Variants in ACOXL observed in about 807,000 individuals in gnomAD.
ACOXL encodes acyl-CoA oxidase like, also known as acyl-coenzyme A oxidase-like protein.
ACOXL carries 70 observed loss-of-function variants against 71.9 expected under a neutral mutation model. That is an observed-to-expected ratio of 0.97 (90% CI 0.80 to 1.19). ACOXL has a LOEUF of 1.19. ACOXL is among the 50% of genes most tolerant of loss of function. The pLI is 0.00. For synonymous variants in ACOXL, 253 were observed against 281.6 expected (o/e 0.90, Z 1.02); for missense variants, 703 against 736.3 (o/e 0.95, Z 0.52).
chr2:110,957,629 T>G (rs748171968), intron 12 of ACOXL, among the ~76,000 whole-genome samples: 19 of 152,196 alleles, frequency 1.2e-4, no homozygotes, highest in Non-Finnish European at 2.8e-4. Context: ...CCTGATATCC[T>G]CTTATAAGGA....
At chr2:111,105,841 C>T (rs890802553) in intron 17 of ACOXL, among the ~76,000 whole-genome samples, 1 of 152,122 alleles carries the variant, frequency 6.6e-6, no homozygotes, top group African/African-American at 2.4e-5. Flanking sequence ...TCTTTTAGCA[C>T]CTGAACACAT....
intron 9 of ACOXL, among the ~76,000 whole-genome samples, chr2:110,811,661 G>A (rs1687326010): frequency 6.6e-6 from 1 of 150,956 alleles, no homozygotes; most frequent in Non-Finnish European, 1.5e-5. Context: ...TATGTGCTTG[G>A]AGGAGGTGGG....
At chr2:111,090,055 T>A (rs1051816401) in intron 16 of ACOXL, among the ~76,000 whole-genome samples, 1 of 152,198 alleles carries the variant, frequency 6.6e-6, no homozygotes, top group African/African-American at 2.4e-5. Context: ...TTAAATTTTT[T>A]AAAGGCTATT....
intron 17 of ACOXL, among the ~76,000 whole-genome samples, chr2:111,106,926 A>T (rs2069576588): frequency 6.6e-6 from 1 of 152,160 alleles, no homozygotes; most frequent in Non-Finnish European, 1.5e-5. Flanking sequence ...TGACTCTGTT[A>T]CCGCCATGTG....
At chr2:110,818,459 A>G (rs890166009) in intron 9 of ACOXL, among the ~76,000 whole-genome samples, 41 of 146,412 alleles carry the variant, frequency 2.8e-4, no homozygotes, top group African/African-American at 7.7e-4. Context: ...GTGTATATAT[A>G]TATATATGTA....
chr2:110,748,092 G>A (rs1337010237), intron 1 of ACOXL, among the ~76,000 whole-genome samples: 2 of 152,150 alleles, frequency 1.3e-5, no homozygotes, highest in East Asian at 1.9e-4. Flanking sequence ...CCCTGGCCAC[G>A]TGGGGCTTAG....
At chr2:110,974,915 G>A (rs1191439388) in intron 12 of ACOXL, among the ~76,000 whole-genome samples, 3 of 152,182 alleles carry the variant, frequency 2.0e-5, no homozygotes, top group Non-Finnish European at 4.4e-5. Flanking sequence ...CTTTTTCCTT[G>A]CTTAAAACAC....
chr2:111,088,189 C>T (rs1001110984), intron 16 of ACOXL, among the ~76,000 whole-genome samples: 4 of 152,208 alleles, frequency 2.6e-5, no homozygotes, highest in Admixed American at 2.6e-4. Flanking sequence ...CTATGTACTG[C>T]TGGTGGGAGT....
At chr2:110,784,460 AGGGTTGCAGGCT>A (rs1683706760) in intron 2 of ACOXL, among the ~76,000 whole-genome samples, 1 of 152,196 alleles carries the variant, frequency 6.6e-6, no homozygotes, top group African/African-American at 2.4e-5. Context: ...AGTCGGTCGC[AGGGTTGCAGGCT>A]GGCCTCCATG....
At chr2:111,026,233 C>G (rs954945620) in intron 14 of ACOXL, among the ~76,000 whole-genome samples, 1 of 152,078 alleles carries the variant, frequency 6.6e-6, no homozygotes, top group African/African-American at 2.4e-5. Context: ...ATGGTTTTGA[C>G]TTTTCTAGGT....
chr2:110,891,151 A>C (rs1324810454), intron 10 of ACOXL, among the ~76,000 whole-genome samples: 2 of 152,026 alleles, frequency 1.3e-5, no homozygotes, highest in African/African-American at 4.8e-5. Context: ...CTTGTTTTTT[A>C]ATTCTAACTG....
At chr2:110,950,836 G>GAGAGAGAGAGAGAGAGAGAGAGAGAGT in intron 12 of ACOXL, among the ~76,000 whole-genome samples, 1 of 95,776 alleles carries the variant, frequency 1.0e-5, no homozygotes, top group South Asian at 3.8e-4. Context: ...AGAGAGAGAG[G>GAGAGAGAGAGAGAGAGAGAGAGAGAGT]GAAGTTCTGG....
chr2:110,797,075 C>A (rs1292270732), intron 5 of ACOXL, among the ~76,000 whole-genome samples: 1 of 152,216 alleles, frequency 6.6e-6, no homozygotes, highest in East Asian at 1.9e-4. Context: ...TCAGAGCTGG[C>A]ACCAGGGCCA....
chr2:110,841,573 A>G (rs573977540), intron 10 of ACOXL, among the ~76,000 whole-genome samples, 168 bp downstream of exon 10: 1 of 152,284 alleles, frequency 6.6e-6, no homozygotes, highest in Admixed American at 6.5e-5. Context: ...GCACATTGCT[A>G]TTTAGAGGAA....
chr2:110,981,458 C>T (rs2062705082), intron 12 of ACOXL, among the ~76,000 whole-genome samples: 2 of 152,108 alleles, frequency 1.3e-5, no homozygotes, highest in African/African-American at 4.8e-5. Context: ...TATTATTGGA[C>T]CATGGGGTGA....
chr2:111,111,858 G>A (rs1186314913), intron 17 of ACOXL, among the ~76,000 whole-genome samples: 3 of 152,186 alleles, frequency 2.0e-5, no homozygotes, highest in Non-Finnish European at 4.4e-5. Flanking sequence ...TAGAGATAAG[G>A]AAGGTAGTAT....
chr2:110,905,766 G>A (rs1033903100), intron 10 of ACOXL, among the ~76,000 whole-genome samples: 3 of 152,132 alleles, frequency 2.0e-5, no homozygotes, highest in Non-Finnish European at 4.4e-5. Flanking sequence ...AATAGAGTCC[G>A]GAGGTGCCAG....
At chr2:110,855,702 G>C (rs1693148479) in intron 10 of ACOXL, among the ~76,000 whole-genome samples, 2 of 152,180 alleles carry the variant, frequency 1.3e-5, no homozygotes, top group Non-Finnish European at 2.9e-5. Context: ...GTTTTAAATT[G>C]TGTGCCATCC....
intron 12 of ACOXL, among the ~76,000 whole-genome samples, chr2:110,960,601 G>C (rs1043010895): frequency 2.0e-5 from 3 of 151,210 alleles, no homozygotes; most frequent in African/African-American, 7.3e-5. Flanking sequence ...CTCTTTCTTG[G>C]GGTCTTTCTC....
Sources: gnomAD v4.1 joint callset for allele counts (sites outside exome capture counted in the v4.1 genomes callset) on GRCh38, gnomAD v4.1.1 for gene constraint, MANE v1.5 for transcripts, NCBI Gene and HGNC (gene_info 2026-07-23, HGNC 2026-07-21) for gene names.